Variants in APCDD1 observed in about 807,000 individuals in gnomAD.
The protein encoded by APCDD1 is APC down-regulated 1.
A neutral mutation model predicts 38.1 loss-of-function variants in APCDD1; 15 were observed. That is an observed-to-expected ratio of 0.39 (90% confidence interval 0.26 to 0.61). The LOEUF (loss-of-function observed/expected upper bound fraction) is 0.61. APCDD1 is among the 20% of genes least tolerant of loss of function. The pLI, the probability that APCDD1 is intolerant of heterozygous loss-of-function variation, is 0.49. For synonymous variants in APCDD1, 261 were observed against 279.7 expected (o/e 0.93, Z 0.67); for missense variants, 647 against 696.2 (o/e 0.93, Z 0.79).
chr18:10,456,876 A>T (rs1486592456), intron 1 of APCDD1, among the ~76,000 whole-genome samples: 1 of 152,218 alleles, frequency 6.6e-6, no homozygotes, highest in Non-Finnish European at 1.5e-5. Context: ...ATTGGGGAGC[A>T]AGGAAATAAC....
At chr18:10,464,454 ACT>A (rs2030657611) in intron 1 of APCDD1, among the ~76,000 whole-genome samples, 1 of 151,942 alleles carries the variant, frequency 6.6e-6, no homozygotes, top group South Asian at 2.1e-4. Context: ...ACAGGGTCTC[ACT>A]CTGTCACCCA....
chr18:10,481,680 A>AGT (rs1238658466), intron 3 of APCDD1, among the ~76,000 whole-genome samples: 2 of 122,930 alleles, frequency 1.6e-5, no homozygotes, highest in African/African-American at 2.9e-5. Flanking sequence ...TAAACACAGT[A>AGT]ATAAAAAAAA....
chr18:10,461,477 G>T (rs1180892611), intron 1 of APCDD1, among the ~76,000 whole-genome samples: 1 of 152,150 alleles, frequency 6.6e-6, no homozygotes, highest in African/African-American at 2.4e-5. Context: ...ACAGTCCCTG[G>T]AGAGCTTCAA....
At chr18:10,481,592 G>T (rs1374424306) in intron 3 of APCDD1, among the ~76,000 whole-genome samples, 1 of 151,586 alleles carries the variant, frequency 6.6e-6, no homozygotes, top group Non-Finnish European at 1.5e-5. Flanking sequence ...AGATGAAGAG[G>T]TTCCAGGGGT....
rs1323725616 is a variant in APCDD1 at position 10,485,826 on chromosome 18, A to C, written c.1096+43A>C. On this transcript the variant is annotated intron_variant, in intron 4 of 4. Coordinates refer to ENST00000355285, the MANE Select transcript of APCDD1 (RefSeq NM_153000.5). This position sits in a 1 kb window ranked among gnomAD's most constrained non-coding sequence, Gnocchi z 5.8. ...AGTCCCAGTATCACAGCCAATAAAC[A>C]GCCCTGTGACATTTTTGTGGAGGCA... The C allele has an allele frequency of 6.3e-7, 1 of 1,595,874 alleles. No homozygotes were observed. The highest frequency in any genetic ancestry group is 8.5e-7 in the Non-Finnish European group (1 of 1,171,802).
rs1046357574 is a variant in APCDD1 at position 10,469,669 on chromosome 18, C to T, written c.242+1017C>T. ...CAGCAACAGGTGCTAAAAGAGAATA[C>T]CAGGGGGCCCCATTTTAAAATCAGG... On this transcript the variant is annotated intron_variant, in intron 2 of 4. Coordinates refer to ENST00000355285, the MANE Select transcript of APCDD1 (RefSeq NM_153000.5). This position sits in a 1 kb window ranked among gnomAD's most constrained non-coding sequence, Gnocchi z 5.5. Among the ~76,000 whole-genome samples, 7 of 151,992 alleles carry T rather than the reference C, an allele frequency of 4.6e-5. No homozygotes were observed. The highest frequency in any genetic ancestry group is 1.7e-4 in the African/African-American group (7 of 41,326).
At chr18:10,479,096 G>A (rs920545328) in intron 3 of APCDD1, among the ~76,000 whole-genome samples, 3 of 152,220 alleles carry the variant, frequency 2.0e-5, no homozygotes, top group Non-Finnish European at 4.4e-5. Context: ...TCGTAATACA[G>A]AAGACCCGAG....
rs376017098 is a variant in APCDD1, at chr18:10,485,735, G to A, written c.1048G>A (p.Gly350Ser). Residue 350 changes from glycine (G) to serine (S), a missense_variant, in exon 4 of 5, where the codon GGC becomes AGC. Physicochemically the swap from Gly to Ser is moderately conservative, Grantham distance 56. Transcript: ENST00000355285. The surrounding 1 kb of genome is among the most constrained non-coding windows in gnomAD (Gnocchi z 5.8). ...SIYARGRYSR[G>S]VLSSRVMGGT... Reference sequence around the variant, plus strand: ...CTACGCCCGGGGCCGCTACAGCCGCGGCGTCCTCTCGTCCAGGGTCATGGG... The same window carrying A: ...CTACGCCCGGGGCCGCTACAGCCGCAGCGTCCTCTCGTCCAGGGTCATGGG... 28 of 1,613,866 alleles carry A rather than the reference G, an allele frequency of 1.7e-5. No homozygotes were observed. Among genetic ancestry groups the A allele is most frequent in the Middle Eastern group, 1.6e-4 (1 of 6,084 alleles).
rs768987522 is a variant in APCDD1, at chr18:10,468,489, C to T, written c.79C>T (p.Leu27Phe). The change falls in exon 2 of 5, where the codon CTC becomes TTC. Residue 27 changes from leucine to phenylalanine, a missense_variant. Transcript: ENST00000355285. ...TTCAGGGCTGGGAGAGGGTTCTGCC[C>T]TCCTTCATCCAGACAGCAGGTCTCA... ...LLHGLGEGSA[L>F]LHPDSRSHPR... 37 of 1,614,054 alleles carry T rather than the reference C, an allele frequency of 2.3e-5. No homozygotes were observed. Among genetic ancestry groups the T allele is most frequent in the Admixed American group, 5.0e-5 (3 of 60,008 alleles).
chr18:10,472,090 T>C lies in APCDD1; in HGVS notation c.774+29T>C. On this transcript the variant is annotated intron_variant, in intron 3 of 4. Coordinates refer to ENST00000355285, the MANE Select transcript of APCDD1 (RefSeq NM_153000.5). The surrounding 1 kb of genome is among the most constrained non-coding windows in gnomAD (Gnocchi z 6.6). Reference sequence around the variant, plus strand: ...CCTCAGAGCTCTGTGTTCTCCTCTTTATTGAGTAAAGTGGGTGATCCTTCT... The same window carrying C: ...CCTCAGAGCTCTGTGTTCTCCTCTTCATTGAGTAAAGTGGGTGATCCTTCT... 1 of 1,612,292 alleles carries C rather than the reference T, an allele frequency of 6.2e-7. No individual in the cohort carries two copies.
At chr18:10,464,370 G>C (rs570835102) in intron 1 of APCDD1, among the ~76,000 whole-genome samples, 22 of 145,004 alleles carry the variant, frequency 1.5e-4, no homozygotes, top group Non-Finnish European at 2.6e-4. Context: ...AAACATCTTT[G>C]TTAGTCTTTA....
chr18:10,456,272 G>C (rs1306875211), intron 1 of APCDD1, among the ~76,000 whole-genome samples: 2 of 152,194 alleles, frequency 1.3e-5, no homozygotes, highest in Non-Finnish European at 2.9e-5. Flanking sequence ...GGGATGGAAG[G>C]CTTGCAGAGG....
rs1035043017 is a variant in APCDD1 at position 10,489,046 on chromosome 18, T to G, written c.*1008T>G. The stretch of plus-strand genomic sequence containing the variant: ...CAGAACTTCAGCTGCTCAGAGAGAG[T>G]GCAGTGGGCATGGTCTGCCCTGGGG... On this transcript the variant is annotated 3_prime_UTR_variant, in exon 5 of 5. Transcript: ENST00000355285. 6.6e-6 allele frequency: 1 copy of G among 152,126 alleles called. No individual in the cohort carries two copies. Among genetic ancestry groups the G allele is most frequent in the Admixed American group, 6.6e-5 (1 of 15,262 alleles). The allele number at this position is 152,126 out of a possible 1,614,324, so 9.4% of individuals were successfully genotyped here. A position where few individuals can be genotyped will look rare whatever the true frequency, so the allele number is the denominator to read the frequency against.
chr18:10,485,672 T>A lies in APCDD1; in HGVS notation c.985T>A (p.Tyr329Asn). 1 of 1,614,168 alleles carries A rather than the reference T, an allele frequency of 6.2e-7. No individual in the cohort carries two copies. The highest frequency in any genetic ancestry group is 8.5e-7 in the Non-Finnish European group (1 of 1,180,036). The change falls in exon 4 of 5, where the codon TAC (tyrosine) becomes AAC (asparagine). Residue 329 changes from tyrosine (Y) to asparagine (N), a missense_variant. By Grantham distance (143) the Tyr-to-Asn change is moderately radical. Transcript: ENST00000355285. This position sits in a 1 kb window ranked among gnomAD's most constrained non-coding sequence, Gnocchi z 5.8. ...NNTWEGHYYH[Y>N]SDPVCKHPTF... Reference sequence around the variant, plus strand: ...CACCTGGGAGGGCCACTACTACCACTACTCAGACCCGGTGTGCAAGCACCC... The same window carrying A: ...CACCTGGGAGGGCCACTACTACCACAACTCAGACCCGGTGTGCAAGCACCC...
At chr18:10,486,803 G>A (rs964236560) in intron 4 of APCDD1, among the ~76,000 whole-genome samples, 2 of 152,202 alleles carry the variant, frequency 1.3e-5, no homozygotes, top group East Asian at 1.9e-4. Context: ...CCAGGATGGC[G>A]TTCCAGGGTT....
intron 1 of APCDD1, among the ~76,000 whole-genome samples, chr18:10,461,908 CTT>C (rs1319596949): frequency 2.0e-5 from 3 of 152,134 alleles, no homozygotes; most frequent in Non-Finnish European, 4.4e-5. Flanking sequence ...GTTTCTAACT[CTT>C]GTTTTATCTG....
chr18:10,483,202 C>G (rs1047747289), intron 3 of APCDD1, among the ~76,000 whole-genome samples: 1 of 152,220 alleles, frequency 6.6e-6, no homozygotes, highest in Non-Finnish European at 1.5e-5. Flanking sequence ...CTTTCCGTGA[C>G]GTAATTAAGC....
rs2031285308 is a variant in APCDD1, at chr18:10,487,911, C to T, written c.1418C>T (p.Ala473Val). 6.2e-7 allele frequency: 1 copy of T among 1,613,318 alleles called. No homozygotes were observed. Among genetic ancestry groups the T allele is most frequent in the East Asian group, 2.2e-5 (1 of 44,868 alleles). The change falls in exon 5 of 5, where the codon GCA (alanine) becomes GTA (valine). Residue 473 changes from alanine (A) to valine (V), a missense_variant. Transcript: ENST00000355285. Reference protein sequence around the residue: ...LVQCASSSPRAEDLAEDSGSS... With the variant: ...LVQCASSSPRVEDLAEDSGSS... ...CAGTGTGCCTCCTCTTCGCCGAGGG[C>T]AGAGGACCTCGCAGAAGACAGTGGA... is the stretch of plus-strand genomic sequence containing the variant.
At position 10,475,794 on chromosome 18, in the gene APCDD1, G is replaced by GGT. The variant is rs1491386370; in HGVS notation, c.774+3734_774+3735insTG. On this transcript the variant is annotated intron_variant, in intron 3 of 4. Coordinates refer to ENST00000355285, the MANE Select transcript of APCDD1 (RefSeq NM_153000.5). The surrounding 1 kb of genome is among the most constrained non-coding windows in gnomAD (Gnocchi z 4.0). Reference sequence around the variant, plus strand: ...CCTAGCTGCCTCGCAAGATGGCTGAGGGGGGGGGGGGTCAGTGGAAGGCCG... The same window carrying GGT: ...CCTAGCTGCCTCGCAAGATGGCTGAGGTGGGGGGGGGGGTCAGTGGAAGGCCG... 3.4e-5 allele frequency: 2 copies of GGT among 59,268 alleles called. No homozygotes were observed. The highest frequency in any genetic ancestry group is 2.5e-4 in the African/African-American group (2 of 7,930). The allele number at this position is 59,268 out of a possible 1,614,324, so 3.7% of individuals were successfully genotyped here. A position where few individuals can be genotyped will look rare whatever the true frequency, so the allele number is the denominator to read the frequency against.
Sources: gnomAD v4.1 joint callset for allele counts (sites outside exome capture counted in the v4.1 genomes callset) on GRCh38, gnomAD v4.1.1 for gene constraint, Gnocchi (gnomAD v3.1) non-coding constraint, MANE v1.5 for transcripts, NCBI Gene and HGNC (gene_info 2026-07-23, HGNC 2026-07-21) for gene names.